The following AGPS variants were observed in gnomAD, a reference collection of about 807,000 sequenced individuals.
AGPS encodes the protein alkyldihydroxyacetonephosphate synthase, peroxisomal.
A neutral mutation model predicts 90.7 loss-of-function variants in AGPS; 26 were observed. The observed-to-expected ratio is 0.29, with a 90% CI of 0.21 to 0.40. The LOEUF is 0.40. Among genes scored for constraint, AGPS ranks in the 10% least tolerant of loss-of-function variants. The pLI, the probability that AGPS is intolerant of heterozygous loss-of-function variation, is 1.00. For missense variants in AGPS, 540 were observed against 816.1 expected, an observed-to-expected ratio of 0.66 and a Z score of 4.12; for synonymous variants, 294 against 285.3, an observed-to-expected ratio of 1.03 and a Z score of -0.31.
At chr2:177,433,577 C>A (rs1303239067) in intron 2 of AGPS, among the ~76,000 whole-genome samples, 1 of 152,096 alleles carries the variant, frequency 6.6e-6, no homozygotes, top group East Asian at 1.9e-4. Flanking sequence ...TCATACTTTC[C>A]AGTTTGTTCT....
At chr2:177,399,761 C>A (rs977669335) in intron 1 of AGPS, among the ~76,000 whole-genome samples, 1 of 152,226 alleles carries the variant, frequency 6.6e-6, no homozygotes, top group Non-Finnish European at 1.5e-5. Flanking sequence ...GTGCTCATCC[C>A]AGTGGCTCCT....
At chr2:177,405,052 G>A (rs1318654637) in intron 1 of AGPS, among the ~76,000 whole-genome samples, 2 of 152,194 alleles carry the variant, frequency 1.3e-5, no homozygotes, top group Admixed American at 1.3e-4. Flanking sequence ...TTGGCCTCAG[G>A]ATGGAATTAG....
At chr2:177,412,005 C>T (rs1003523361) in intron 1 of AGPS, among the ~76,000 whole-genome samples, 6 of 152,082 alleles carry the variant, frequency 3.9e-5, no homozygotes, top group African/African-American at 9.7e-5. Flanking sequence ...TCCCACATAA[C>T]GGTCGAGAGC....
rs555403491 is a variant in AGPS at position 177,521,573 on chromosome 2, T to C, written c.1797+205T>C. Among the ~76,000 whole-genome samples, 11 of 152,364 alleles carry C rather than the reference T, an allele frequency of 7.2e-5. No individual in the cohort carries two copies. In the South Asian group the frequency reaches 8.3e-4, roughly 11 times the overall value. On this transcript the variant is annotated intron_variant, in intron 18 of 19. Transcript: ENST00000264167. The stretch of plus-strand genomic sequence containing the variant: ...AAATTAAGGTACTGTACACCTAGTC[T>C]GTGATTCTTCAGTTGTTACAGTACA...
chr2:177,536,225 T>C (rs73976777), intron 19 of AGPS, among the ~76,000 whole-genome samples: 4,010 of 152,232 alleles, frequency 0.026, 178 homozygotes, highest in African/African-American at 0.091. Context: ...TTGGAGCAGT[T>C]GTTTGCAGTC....
intron 11 of AGPS, among the ~76,000 whole-genome samples, chr2:177,491,895 C>G (rs1415047266): frequency 1.3e-5 from 2 of 151,378 alleles, no homozygotes; most frequent in Non-Finnish European, 2.9e-5. Flanking sequence ...AAGTGATTCT[C>G]ATGCCTCAGC....
intron 8 of AGPS, among the ~76,000 whole-genome samples, chr2:177,451,879 G>T (rs1686963725): frequency 6.6e-6 from 1 of 151,844 alleles, no homozygotes; most frequent in African/African-American, 2.4e-5. Context: ...ATTTTGATAT[G>T]TTTATTTTCA....
intron 11 of AGPS, among the ~76,000 whole-genome samples, chr2:177,488,642 C>T (rs1345839554): frequency 6.6e-6 from 1 of 151,902 alleles, no homozygotes; most frequent in Admixed American, 6.6e-5. Context: ...TTTTTTGTGC[C>T]CAAATTTTTG....
chr2:177,510,359 C>T (rs950641413), intron 16 of AGPS, among the ~76,000 whole-genome samples: 5 of 152,074 alleles, frequency 3.3e-5, no homozygotes, highest in South Asian at 2.1e-4. Flanking sequence ...GCAGCTCCAC[C>T]CACAGGACCT....
intron 2 of AGPS, among the ~76,000 whole-genome samples, chr2:177,420,929 A>C (rs1390687498): frequency 2.0e-5 from 3 of 151,986 alleles, no homozygotes; most frequent in South Asian, 4.1e-4. Context: ...GGGAAAGATC[A>C]GTCATTTTTG....
rs1246698377 is a variant in AGPS at position 177,521,300 on chromosome 2, A to G, written c.1729A>G (p.Ile577Val). The G allele has an allele frequency of 4.3e-6, 7 of 1,614,112 alleles. No homozygotes were observed. The highest frequency in any genetic ancestry group is 1.3e-5 in the African/African-American group (1 of 75,056). ...GCAGACTTACGATGCAGGTGCTTGTATCTACTTCTATTTTGCCTTTAACTA... is the reference window on the plus strand; with the variant it reads ...GCAGACTTACGATGCAGGTGCTTGTGTCTACTTCTATTTTGCCTTTAACTA... ...VTQTYDAGACIYFYFAFNYRG... is the reference protein window; with the variant it reads ...VTQTYDAGACVYFYFAFNYRG... The change falls in exon 18 of 20, where the codon ATC becomes GTC. Residue 577 changes from isoleucine to valine, a missense_variant. By Grantham distance (29) the Ile-to-Val change is conservative. Transcript: ENST00000264167.
At chr2:177,440,943 T>C in intron 5 of AGPS, 22 bp from the exon 6 acceptor site, 1 of 1,602,028 alleles carries the variant, frequency 6.2e-7, no homozygotes, top group Non-Finnish European at 8.5e-7. Context: ...TGTAATTAAT[T>C]TATTTTCCCT....
chr2:177,397,039 A>C lies in AGPS; in HGVS notation c.260+3990A>C, dbSNP rs940412035. ...CTGCAACTTCCTGCCTCCCGGGTTC[A>C]AGCGATTCTCCTGCCTCAGCCTCCG... On this transcript the variant is annotated intron_variant, in intron 1 of 19. Coordinates refer to ENST00000264167, the MANE Select transcript of AGPS (RefSeq NM_003659.4). 6.0e-5 allele frequency among the ~76,000 whole-genome samples: 9 copies of C among 150,336 alleles called. 1 individual carries two copies. In the South Asian group the frequency reaches 1.9e-3, roughly 32 times the overall value.
intron 9 of AGPS, among the ~76,000 whole-genome samples, chr2:177,465,731 G>T (rs766096483): frequency 1.3e-5 from 2 of 152,232 alleles, no homozygotes; most frequent in Non-Finnish European, 1.5e-5. Flanking sequence ...GCTTGGAGAC[G>T]CCAGGGACTG....
chr2:177,443,142 C>T (rs1233729086), intron 7 of AGPS, among the ~76,000 whole-genome samples: 2 of 151,946 alleles, frequency 1.3e-5, no homozygotes, highest in African/African-American at 4.8e-5. Flanking sequence ...TGTATAATCT[C>T]GTTTAAAAAG....
intron 17 of AGPS, among the ~76,000 whole-genome samples, chr2:177,519,907 T>C (rs1689129909): frequency 2.0e-5 from 3 of 152,356 alleles, no homozygotes; most frequent in East Asian, 1.9e-4. Flanking sequence ...GGTCTGCTGA[T>C]TGCCCATTTT....
intron 7 of AGPS, 117 bp from the exon 8 acceptor site, chr2:177,445,429 G>T: frequency 1.2e-6 from 1 of 854,444 alleles, no homozygotes; most frequent in Non-Finnish European, 1.9e-6. Flanking sequence ...TGGTTGAGGG[G>T]AACCCTTCTT....
chr2:177,488,438 G>A (rs183839466), intron 11 of AGPS, among the ~76,000 whole-genome samples: 16 of 152,078 alleles, frequency 1.1e-4, no homozygotes, highest in South Asian at 6.2e-4. Context: ...GGATTGTCTC[G>A]ATTTCCTGAC....
chr2:177,493,257 C>G lies in AGPS; in HGVS notation c.1285+58C>G. The G allele has an allele frequency of 2.1e-6, 3 of 1,444,098 alleles. 1 individual carries two copies. The South Asian group carries it at 3.4e-5, about 16-fold the overall frequency. 89.5% of individuals were successfully genotyped at this position (1,444,098 alleles called of 1,614,324 possible). A position where few individuals can be genotyped will look rare whatever the true frequency, so the allele number is the denominator to read the frequency against. ...TTAGCCACAGAAATTTATGAAACAT[C>G]AGTAGGAAGAGTACGGAGTGCAGAG... On this transcript the variant is annotated intron_variant, in intron 12 of 19. Transcript: ENST00000264167.
Sources: gnomAD v4.1 joint callset for allele counts (sites outside exome capture counted in the v4.1 genomes callset) on GRCh38, gnomAD v4.1.1 for gene constraint, MANE v1.5 for transcripts, NCBI Gene and HGNC (gene_info 2026-07-23, HGNC 2026-07-21) for gene names.